CENPP: variants seen among roughly 807,000 people sequenced by gnomAD.
CENPP encodes centromere protein P.
A neutral mutation model predicts 35.6 loss-of-function variants in CENPP; 24 were observed. That is an observed-to-expected ratio of 0.67 (90% CI 0.49 to 0.95). CENPP has a LOEUF of 0.95. Ranked by LOEUF, CENPP falls within the 40% of genes least tolerant of loss-of-function variation. The probability of loss-of-function intolerance (pLI) is 0.00; values close to 1 mark genes in which losing one functional copy is unlikely to be tolerated. For missense variants in CENPP, 332 were observed against 345.3 expected, an observed-to-expected ratio of 0.96 and a Z score of 0.31; for synonymous variants, 120 against 125.5, an observed-to-expected ratio of 0.96 and a Z score of 0.29.
intron 5 of CENPP, among the ~76,000 whole-genome samples, chr9:92,434,619 AAGGAATCAT>A (rs1844201959): frequency 6.6e-6 from 1 of 152,222 alleles, no homozygotes; most frequent in South Asian, 2.1e-4. Flanking sequence ...GTCAGTGGAG[AAGGAATCAT>A]CTTTTTAACA....
At chr9:92,599,592 T>A (rs1429566745) in intron 5 of CENPP, among the ~76,000 whole-genome samples, 1 of 152,124 alleles carries the variant, frequency 6.6e-6, no homozygotes, top group Admixed American at 6.5e-5. Flanking sequence ...AATTTTTGTA[T>A]TTTTAGTACA....
intron 5 of CENPP, among the ~76,000 whole-genome samples, chr9:92,435,996 A>C (rs183823080): frequency 1.9e-4 from 29 of 152,320 alleles, no homozygotes; most frequent in African/African-American, 6.5e-4. Flanking sequence ...TATTTTCCAG[A>C]ACAGCTGCAC....
chr9:92,511,598 G>C (rs1257725860), intron 5 of CENPP, among the ~76,000 whole-genome samples: 1 of 151,890 alleles, frequency 6.6e-6, no homozygotes, highest in African/African-American at 2.4e-5. Context: ...CCTCCATCAG[G>C]TTTTGTTGAT....
intron 5 of CENPP, among the ~76,000 whole-genome samples, chr9:92,580,961 A>C (rs1449709388): frequency 2.0e-5 from 3 of 151,790 alleles, no homozygotes. Flanking sequence ...TTCCCTCTAC[A>C]CACTGCTTTG....
chr9:92,512,058 T>C, intron 5 of CENPP: 1 of 1,613,812 alleles, frequency 6.2e-7, no homozygotes, highest in Non-Finnish European at 8.5e-7. Flanking sequence ...TTATTTTTAC[T>C]CAGATCAAGC....
At chr9:92,578,835 T>C (rs1850348985) in intron 5 of CENPP, among the ~76,000 whole-genome samples, 1 of 152,214 alleles carries the variant, frequency 6.6e-6, no homozygotes, top group Admixed American at 6.5e-5. Flanking sequence ...TTGTCTTTTG[T>C]TGCCATTGCT....
intron 5 of CENPP, among the ~76,000 whole-genome samples, chr9:92,581,287 CCATATTA>C (rs1200049983): frequency 1.3e-5 from 2 of 151,962 alleles, no homozygotes; most frequent in African/African-American, 4.8e-5. Context: ...TTCTGTTAAG[CCATATTA>C]CATTTTGTGT....
At chr9:92,440,461 C>T (rs868787933) in intron 5 of CENPP, among the ~76,000 whole-genome samples, 4 of 152,138 alleles carry the variant, frequency 2.6e-5, no homozygotes, top group South Asian at 2.1e-4. Context: ...TCCTGGGCTA[C>T]AGTGGGCCAT....
At chr9:92,519,457 C>T (rs1847928429) in intron 5 of CENPP, among the ~76,000 whole-genome samples, 1 of 152,152 alleles carries the variant, frequency 6.6e-6, no homozygotes, top group Non-Finnish European at 1.5e-5. Context: ...CAGTGTGATA[C>T]TAGTATAAGC....
chr9:92,435,109 A>G (rs1053463684), intron 5 of CENPP, among the ~76,000 whole-genome samples: 2 of 152,148 alleles, frequency 1.3e-5, no homozygotes, highest in African/African-American at 4.8e-5. Flanking sequence ...TGTTTTGGCA[A>G]TGCTTGGTAG....
intron 5 of CENPP, among the ~76,000 whole-genome samples, chr9:92,610,336 G>A (rs945968279): frequency 6.6e-6 from 1 of 152,186 alleles, no homozygotes; most frequent in East Asian, 1.9e-4. Context: ...TTACAGGCAT[G>A]AGCCACTGCA....
At chr9:92,418,923 C>T (rs1439029192) in intron 5 of CENPP, among the ~76,000 whole-genome samples, 2 of 152,084 alleles carry the variant, frequency 1.3e-5, no homozygotes, top group African/African-American at 2.4e-5. Context: ...GTTCAAGTGT[C>T]TTTACATTTT....
At chr9:92,491,418 A>G (rs1300023916) in intron 5 of CENPP, among the ~76,000 whole-genome samples, 1 of 152,258 alleles carries the variant, frequency 6.6e-6, no homozygotes, top group Middle Eastern at 3.4e-3. Flanking sequence ...TGGACACTGC[A>G]GTGAACTTGG....
chr9:92,332,429 G>T, intron 2 of CENPP, 78 bp downstream of exon 2: 1 of 958,596 alleles, frequency 1.0e-6, no homozygotes, highest in Non-Finnish European at 1.5e-6. Flanking sequence ...TCATAATATT[G>T]AATTAAAATT....
chr9:92,389,701 A>AT (rs1842588098), intron 5 of CENPP: 1 of 579,108 alleles, frequency 1.7e-6, no homozygotes, highest in Admixed American at 3.3e-5. Context: ...AATGAGCCTA[A>AT]TAGGATGGTT....
At chr9:92,454,829 G>A (rs558049788) in intron 5 of CENPP, among the ~76,000 whole-genome samples, 1 of 152,168 alleles carries the variant, frequency 6.6e-6, no homozygotes, top group East Asian at 1.9e-4. Flanking sequence ...TCTGCAACCC[G>A]GGACACTGCT....
At chr9:92,380,132 T>C (rs1157161045) in intron 5 of CENPP, among the ~76,000 whole-genome samples, 6 of 152,200 alleles carry the variant, frequency 3.9e-5, no homozygotes, top group African/African-American at 1.4e-4. Context: ...CTTTCAAGAG[T>C]ATTTGAAGTA....
At chr9:92,559,805 A>T (rs549250297) in intron 5 of CENPP, among the ~76,000 whole-genome samples, 5 of 151,986 alleles carry the variant, frequency 3.3e-5, no homozygotes, top group Non-Finnish European at 7.4e-5. Context: ...CTGCTGTCCT[A>T]TGTTTTTAAA....
intron 5 of CENPP, among the ~76,000 whole-genome samples, chr9:92,591,978 C>T (rs926293525): frequency 1.3e-5 from 2 of 151,892 alleles, no homozygotes; most frequent in Non-Finnish European, 2.9e-5. Context: ...GGGTGCAGCA[C>T]ACCAACATGG....
Sources: gnomAD v4.1 joint callset for allele counts (sites outside exome capture counted in the v4.1 genomes callset) on GRCh38, gnomAD v4.1.1 for gene constraint, MANE v1.5 for transcripts, NCBI Gene and HGNC (gene_info 2026-07-23, HGNC 2026-07-21) for gene names.